The following PPP4R3B variants were observed in gnomAD, a reference collection of about 807,000 sequenced individuals.
The protein encoded by PPP4R3B is protein phosphatase 4 regulatory subunit 3B.
In PPP4R3B, 52 loss-of-function variants were observed where a neutral mutation model predicts 95.4. The ratio of observed to expected loss-of-function variants is 0.54; its 90% CI spans 0.44 to 0.69. The LOEUF is 0.69. Among genes scored for constraint, PPP4R3B ranks in the 30% least tolerant of loss-of-function variants. The pLI is 0.00. For synonymous variants in PPP4R3B, 407 were observed against 343.9 expected (o/e 1.18, Z -2.03); for missense variants, 1,003 against 1,005.9 (o/e 1.00, Z 0.04).
At chr2:55,584,224 AAG>A (rs1184776762) in intron 7 of PPP4R3B, among the ~76,000 whole-genome samples, 3 of 152,220 alleles carry the variant, frequency 2.0e-5, no homozygotes, top group African/African-American at 7.2e-5. Context: ...ATAATAAAAA[AAG>A]AGTACTTTTA....
At chr2:55,593,737 C>CA (rs989553916) in intron 4 of PPP4R3B, among the ~76,000 whole-genome samples, 2 of 152,066 alleles carry the variant, frequency 1.3e-5, no homozygotes, top group African/African-American at 4.8e-5. Context: ...CCCACCTCTA[C>CA]AAAAAATAAA....
intron 4 of PPP4R3B, among the ~76,000 whole-genome samples, chr2:55,598,211 C>T (rs1299143845): frequency 1.3e-5 from 2 of 152,144 alleles, no homozygotes; most frequent in Admixed American, 6.5e-5. Context: ...CAGAACGAGA[C>T]TCCGACTCAA....
intron 3 of PPP4R3B, among the ~76,000 whole-genome samples, chr2:55,601,136 T>A (rs1392760894): frequency 1.2e-5 from 1 of 84,674 alleles, no homozygotes; most frequent in African/African-American, 4.9e-5. Flanking sequence ...AGCCAGACCA[T>A]GTCTCAAAAA....
chr2:55,571,858 A>T (rs1688044121), intron 12 of PPP4R3B, among the ~76,000 whole-genome samples: 2 of 152,194 alleles, frequency 1.3e-5, no homozygotes, highest in African/African-American at 4.8e-5. Context: ...ACCTCAGGTG[A>T]TCCACCCGCC....
At chr2:55,581,481 T>C in intron 8 of PPP4R3B, 86 bp downstream of exon 8, 3 of 1,399,846 alleles carry the variant, frequency 2.1e-6, no homozygotes, top group Non-Finnish European at 1.9e-6. Flanking sequence ...GACAAATACT[T>C]AAAATACTTG....
chr2:55,600,201 C>CGTGAT (rs1559036259), intron 3 of PPP4R3B, among the ~76,000 whole-genome samples: 1 of 151,860 alleles, frequency 6.6e-6, no homozygotes, highest in Non-Finnish European at 1.5e-5. Context: ...CCAAGTTGGG[C>CGTGAT]GGATCACCTG....
intron 12 of PPP4R3B, among the ~76,000 whole-genome samples, chr2:55,569,594 C>A (rs1394097383): frequency 6.6e-6 from 1 of 152,166 alleles, no homozygotes; most frequent in African/African-American, 2.4e-5. Context: ...CCTCTCTCTG[C>A]CTCGGCTGCC....
intron 7 of PPP4R3B, among the ~76,000 whole-genome samples, chr2:55,582,336 C>T (rs979503591): frequency 1.3e-5 from 2 of 152,072 alleles, no homozygotes; most frequent in Non-Finnish European, 2.9e-5. Context: ...AATCTGGGCT[C>T]ACTGCCACCT....
intron 4 of PPP4R3B, among the ~76,000 whole-genome samples, chr2:55,592,348 A>G (rs1035490744): frequency 1.3e-5 from 2 of 152,180 alleles, no homozygotes; most frequent in African/African-American, 4.8e-5. Flanking sequence ...TAAGTAAACC[A>G]CAAGACAGGT....
chr2:55,586,812 T>C, intron 5 of PPP4R3B, 78 bp from the exon 6 acceptor site: 1 of 791,138 alleles, frequency 1.3e-6, no homozygotes, highest in African/African-American at 1.7e-5. Flanking sequence ...TACCATGGTG[T>C]GGTATTCACC....
intron 5 of PPP4R3B, among the ~76,000 whole-genome samples, chr2:55,588,528 A>AG (rs1473463066): frequency 7.3e-5 from 11 of 151,510 alleles, no homozygotes; most frequent in Non-Finnish European, 1.6e-4. Context: ...AAAAAAAAAA[A>AG]AAAGAAAAAG....
Position 55,617,444 on chromosome 2 carries a change from A to C in PPP4R3B, c.-159T>G. On this transcript the variant is annotated 5_prime_UTR_variant, in exon 1 of 17. Coordinates refer to ENST00000616407, the MANE Select transcript of PPP4R3B (RefSeq NM_001122964.3). ...TGGCTCCAAAGGTTCAGCCGCGAGA[A>C]GGGGTGACAAGAGCCACTGAGGCCT... The C allele has an allele frequency of 1.2e-6, 1 of 856,138 alleles. No individual in the cohort carries two copies. The highest frequency in any genetic ancestry group is 3.9e-4 in the Middle Eastern group (1 of 2,566). The allele number at this position is 856,138 out of a possible 1,614,324, so 53.0% of individuals were successfully genotyped here. A position where few individuals can be genotyped will look rare whatever the true frequency, so the allele number is the denominator to read the frequency against.
intron 4 of PPP4R3B, among the ~76,000 whole-genome samples, chr2:55,595,479 A>G (rs571104529): frequency 2.0e-5 from 3 of 151,766 alleles, no homozygotes; most frequent in Admixed American, 6.6e-5. Flanking sequence ...AATAAAATAA[A>G]TTTTTAAAAA....
At chr2:55,582,777 A>G (rs540073684) in intron 7 of PPP4R3B, among the ~76,000 whole-genome samples, 1 of 152,322 alleles carries the variant, frequency 6.6e-6, no homozygotes, top group African/African-American at 2.4e-5. Flanking sequence ...AAATGTTACC[A>G]TATCTAAAAA....
intron 2 of PPP4R3B, among the ~76,000 whole-genome samples, chr2:55,608,900 G>A (rs780176690): frequency 4.6e-5 from 7 of 152,010 alleles, no homozygotes; most frequent in East Asian, 1.9e-4. Context: ...TGGGAGGATC[G>A]CACCTAGGAG....
chr2:55,578,321 C>A lies in PPP4R3B; in HGVS notation c.1490G>T (p.Arg497Ile). ...CEKDFFLKHY[R>I]YSWSFICTPS... Reference sequence around the variant, plus strand: ...GGTACATATGAAACTCCAACTATATCTGTAATGTTTTAAAAAAAAATCTGA... The same window carrying A: ...GGTACATATGAAACTCCAACTATATATGTAATGTTTTAAAAAAAAATCTGA... The change falls in exon 10 of 17, where the codon AGA (arginine) becomes ATA (isoleucine). Residue 497 changes from arginine (R) to isoleucine (I), a missense_variant. By Grantham distance (97) the Arg-to-Ile change is moderately conservative. Around this residue, in one of 3 missense-constraint regions of PPP4R3B, gnomAD observed 695 missense variants for 686.2 expected, o/e 1.01. Transcript: ENST00000616407. 1 of 1,447,372 alleles carries A rather than the reference C, an allele frequency of 6.9e-7. No homozygotes were observed. The highest frequency in any genetic ancestry group is 9.1e-7 in the Non-Finnish European group (1 of 1,098,324). The allele number at this position is 1,447,372 out of a possible 1,614,324, so 89.7% of individuals were successfully genotyped here. A position where few individuals can be genotyped will look rare whatever the true frequency, so the allele number is the denominator to read the frequency against.
intron 2 of PPP4R3B, 64 bp downstream of exon 2, chr2:55,615,387 G>A (rs1436597742): frequency 8.5e-7 from 1 of 1,176,562 alleles, no homozygotes. Flanking sequence ...TCCCACCTTT[G>A]TCAGATTAAT....
chr2:55,591,728 A>C, intron 4 of PPP4R3B: 155 of 835,478 alleles, frequency 1.9e-4, no homozygotes, highest in South Asian at 2.7e-4. Flanking sequence ...AGGCAATCTC[A>C]ATTATTACAG....
intron 3 of PPP4R3B, among the ~76,000 whole-genome samples, chr2:55,600,508 T>G (rs1174811285): frequency 7.0e-6 from 1 of 143,526 alleles, no homozygotes; most frequent in African/African-American, 2.6e-5. Flanking sequence ...CTTACTGAAA[T>G]TGAAATTGTC....
Sources: allele counts gnomAD v4.1 joint callset (sites outside exome capture counted in the v4.1 genomes callset), GRCh38; gene constraint gnomAD v4.1.1; regional missense constraint gnomAD v4.1.1; transcripts MANE v1.5; gene names NCBI Gene and HGNC (gene_info 2026-07-23, HGNC 2026-07-21).